The following TTC29 variants were observed in gnomAD, a reference collection of about 807,000 sequenced individuals.
The protein encoded by TTC29 is tetratricopeptide repeat protein 29.
In TTC29, 49 loss-of-function variants were observed where a neutral mutation model predicts 58.1. That is an observed-to-expected ratio of 0.84 (90% CI 0.67 to 1.07). The LOEUF is 1.07. Ranked by LOEUF, TTC29 falls within the 50% of genes least tolerant of loss-of-function variation. TTC29 has a pLI of 0.00. For synonymous variants in TTC29, 209 were observed against 196.8 expected, an observed-to-expected ratio of 1.06 and a Z score of -0.52; for missense variants, 582 against 555.6, an observed-to-expected ratio of 1.05 and a Z score of -0.48.
intron 8 of TTC29, among the ~76,000 whole-genome samples, chr4:146,857,892 T>A (rs561363943): frequency 6.6e-6 from 1 of 152,344 alleles, no homozygotes; most frequent in Admixed American, 6.5e-5. Flanking sequence ...TGTTGGTTTA[T>A]CTTCTTTCCA....
intron 6 of TTC29, among the ~76,000 whole-genome samples, chr4:146,895,957 A>G (rs886083132): frequency 6.6e-5 from 10 of 152,156 alleles, no homozygotes; most frequent in African/African-American, 2.2e-4. Flanking sequence ...AAGATAGAGA[A>G]GTAATCAACA....
intron 2 of TTC29, 32 bp from the exon 3 acceptor site, chr4:146,939,933 T>A: frequency 1.3e-6 from 2 of 1,568,548 alleles, no homozygotes; most frequent in Non-Finnish European, 1.7e-6. Context: ...AATTGTATTT[T>A]AAGGAATAAA....
intron 11 of TTC29, among the ~76,000 whole-genome samples, chr4:146,802,092 T>C (rs555656085): frequency 6.6e-6 from 1 of 152,006 alleles, no homozygotes; most frequent in South Asian, 2.1e-4. Flanking sequence ...GAGTATTTTT[T>C]TTTTCATAAT....
chr4:146,741,216 T>A (rs1234876514), intron 11 of TTC29, among the ~76,000 whole-genome samples: 2 of 152,176 alleles, frequency 1.3e-5, no homozygotes, highest in African/African-American at 4.8e-5. Flanking sequence ...GGTGTGAAAT[T>A]TTTAGATGAC....
chr4:146,874,577 GA>G, intron 7 of TTC29, 138 bp downstream of exon 7: 1 of 716,358 alleles, frequency 1.4e-6, no homozygotes, highest in South Asian at 1.9e-5. Flanking sequence ...AGTGAAATTT[GA>G]AAGTAAATTG....
chr4:146,751,311 T>C (rs532628291), intron 11 of TTC29, among the ~76,000 whole-genome samples: 1 of 152,296 alleles, frequency 6.6e-6, no homozygotes, highest in East Asian at 1.9e-4. Context: ...CAATAAGACA[T>C]AAAATTAATC....
chr4:146,752,890 C>T (rs958200648), intron 11 of TTC29, among the ~76,000 whole-genome samples: 5 of 152,154 alleles, frequency 3.3e-5, no homozygotes, highest in African/African-American at 1.2e-4. Context: ...ATACCTTATA[C>T]AAAAATTAAT....
chr4:146,706,928 A>AT lies in TTC29; in HGVS notation c.*229dup, dbSNP rs1741997048. ...TGGATAAGAGGAAATCATTTATTTC[A>AT]TGGATGATTGCTGATATTTCTAAGA... On this transcript the variant is annotated 3_prime_UTR_variant, in exon 13 of 13. Transcript: ENST00000325106. The AT allele has an allele frequency of 2.8e-6, 1 of 352,838 alleles. No homozygotes were observed. The highest frequency in any genetic ancestry group is 2.1e-5 in the African/African-American group (1 of 47,492). The allele number at this position is 352,838 out of a possible 1,614,324, so 21.9% of individuals were successfully genotyped here.
At chr4:146,918,828 C>T (rs950738942) in intron 4 of TTC29, among the ~76,000 whole-genome samples, 3 of 151,186 alleles carry the variant, frequency 2.0e-5, no homozygotes, top group East Asian at 1.9e-4. Context: ...TAGTTACCCA[C>T]GGTAGCTGTC....
At chr4:146,717,201 A>C (rs1407262137) in intron 11 of TTC29, among the ~76,000 whole-genome samples, 1 of 152,136 alleles carries the variant, frequency 6.6e-6, no homozygotes, top group African/African-American at 2.4e-5. Flanking sequence ...ATAATAAGTA[A>C]ATATAAATTT....
chr4:146,944,099 C>G (rs1001314405), intron 2 of TTC29: 1 of 152,242 alleles, frequency 6.6e-6, no homozygotes, highest in Admixed American at 6.5e-5. Flanking sequence ...AAAGATACCT[C>G]TTTGGCTGCT....
chr4:146,774,142 C>G (rs771758523), intron 11 of TTC29, among the ~76,000 whole-genome samples: 5 of 151,956 alleles, frequency 3.3e-5, no homozygotes, highest in Non-Finnish European at 4.4e-5. Context: ...GTTTAGCTAG[C>G]AGTCTATCTG....
intron 3 of TTC29, among the ~76,000 whole-genome samples, chr4:146,939,072 C>T (rs576989889): frequency 4.6e-4 from 70 of 152,150 alleles, no homozygotes; most frequent in Non-Finnish European, 6.5e-4. Context: ...GGAGCTGATT[C>T]TTGCCTGCCA....
intron 8 of TTC29, among the ~76,000 whole-genome samples, chr4:146,861,429 G>A (rs1279320548): frequency 6.6e-6 from 1 of 152,186 alleles, no homozygotes; most frequent in Admixed American, 6.5e-5. Context: ...CTCGTTAAAT[G>A]TCAGGGTCTC....
intron 8 of TTC29, among the ~76,000 whole-genome samples, chr4:146,859,409 T>C (rs1421788861): frequency 6.6e-6 from 1 of 152,118 alleles, no homozygotes; most frequent in Admixed American, 6.6e-5. Context: ...TCTTCTGACA[T>C]ACACTTTTCA....
intron 4 of TTC29, among the ~76,000 whole-genome samples, chr4:146,925,222 G>A (rs79735960): frequency 6.6e-6 from 1 of 152,004 alleles, no homozygotes; most frequent in Non-Finnish European, 1.5e-5. Context: ...ATTACTTAAG[G>A]TGATTAAAGG....
intron 9 of TTC29, among the ~76,000 whole-genome samples, chr4:146,828,018 T>C (rs369105409): frequency 2.8e-4 from 43 of 152,290 alleles, no homozygotes; most frequent in Middle Eastern, 6.8e-3. Context: ...TTTTTTTTCC[T>C]CTTATTGGTA....
intron 9 of TTC29, among the ~76,000 whole-genome samples, chr4:146,829,990 T>C (rs2150153119): frequency 6.6e-6 from 1 of 152,298 alleles, no homozygotes; most frequent in South Asian, 2.1e-4. Context: ...ATAGGGATTT[T>C]CCCTCTCTGT....
At chr4:146,834,345 T>C (rs1225405686) in intron 8 of TTC29, among the ~76,000 whole-genome samples, 1 of 152,202 alleles carries the variant, frequency 6.6e-6, no homozygotes, top group Non-Finnish European at 1.5e-5. Context: ...TCTAAATCTA[T>C]CATTTTATTA....
Sources: gnomAD v4.1 joint callset for allele counts (sites outside exome capture counted in the v4.1 genomes callset) on GRCh38, gnomAD v4.1.1 for gene constraint, MANE v1.5 for transcripts, NCBI Gene and HGNC (gene_info 2026-07-23, HGNC 2026-07-21) for gene names.